Variants in ADARB1 observed in about 807,000 individuals in gnomAD.
ADARB1 encodes double-stranded RNA-specific editase 1.
ADARB1 carries 10 observed loss-of-function variants against 52.4 expected under a neutral mutation model. The ratio of observed to expected loss-of-function variants is 0.19; its 90% CI spans 0.12 to 0.32. The LOEUF (loss-of-function observed/expected upper bound fraction) is 0.32. Among genes scored for constraint, ADARB1 ranks in the 10% least tolerant of loss-of-function variants. The pLI is 1.00. For synonymous variants in ADARB1, 349 were observed against 371.1 expected, an observed-to-expected ratio of 0.94 and a Z score of 0.68; for missense variants, 643 against 922.3, an observed-to-expected ratio of 0.70 and a Z score of 3.92.
chr21:45,152,517 G>A (rs917412517), intron 2 of ADARB1: 10 of 249,758 alleles, frequency 4.0e-5, no homozygotes, highest in South Asian at 1.3e-4. Context: ...CGCAGCTGCC[G>A]GCACACGGAA....
At chr21:45,139,866 T>C (rs1380540022) in intron 2 of ADARB1, among the ~76,000 whole-genome samples, 1 of 152,172 alleles carries the variant, frequency 6.6e-6, no homozygotes, top group African/African-American at 2.4e-5. Flanking sequence ...GAATTTGTTT[T>C]CTTCTGGGAT....
At position 45,222,890 on chromosome 21, in the gene ADARB1, G is replaced by A; in HGVS notation, c.*693G>A. 1.0e-6 allele frequency: 1 copy of A among 985,522 alleles called. No individual in the cohort carries two copies. The highest frequency in any genetic ancestry group is 1.2e-6 in the Non-Finnish European group (1 of 829,994). 61.0% of individuals were successfully genotyped at this position (985,522 alleles called of 1,614,324 possible). A position where few individuals can be genotyped will look rare whatever the true frequency, so the allele number is the denominator to read the frequency against. On this transcript the variant is annotated 3_prime_UTR_variant, in exon 11 of 11. Transcript: ENST00000348831. ...CAGCAGTGACTGTGTGTCCTGCAGAGGCGTGACCCAGGCCCCTGTAGCCCT... is the reference window on the plus strand; with the variant it reads ...CAGCAGTGACTGTGTGTCCTGCAGAAGCGTGACCCAGGCCCCTGTAGCCCT...
chr21:45,181,967 C>T (rs530603122), intron 5 of ADARB1, among the ~76,000 whole-genome samples: 2 of 152,342 alleles, frequency 1.3e-5, no homozygotes, highest in East Asian at 1.9e-4. Context: ...GCGAGTTTCC[C>T]GGCAGGTGAC....
rs554856208 is a variant in ADARB1 at position 45,205,117 on chromosome 21, C to T, written c.1747+381C>T. Among the ~76,000 whole-genome samples the T allele has an allele frequency of 2.0e-5, 3 of 152,078 alleles. No homozygotes were observed. The East Asian group carries it at 5.8e-4, about 29-fold the overall frequency. ...CTACAAAAAATACAAAAAAATCAGC[C>T]AGATGAGGTGGGGCATGCCTGTGGT... On this transcript the variant is annotated intron_variant, in intron 9 of 10. Transcript: ENST00000348831.
intron 2 of ADARB1, among the ~76,000 whole-genome samples, chr21:45,167,142 G>A (rs962664726): frequency 2.6e-5 from 4 of 152,152 alleles, no homozygotes. Flanking sequence ...TTCTTAATGT[G>A]GGCGGTACCT....
rs1038935312 is a variant in ADARB1, at chr21:45,223,772, G to A, written c.*1575G>A. The stretch of plus-strand genomic sequence containing the variant: ...CCCAAAACTGAAACACCGTGGCTTC[G>A]GCGGGGGGTGTGCCTCCTGATGTCA... On this transcript the variant is annotated 3_prime_UTR_variant, in exon 11 of 11. Coordinates refer to ENST00000348831, the MANE Select transcript of ADARB1 (RefSeq NM_001112.4). 7.1e-6 allele frequency: 7 copies of A among 985,352 alleles called. No individual in the cohort carries two copies. The highest frequency in any genetic ancestry group is 7.2e-6 in the Non-Finnish European group (6 of 829,974). The allele number at this position is 985,352 out of a possible 1,614,324, so 61.0% of individuals were successfully genotyped here. A position where few individuals can be genotyped will look rare whatever the true frequency, so the allele number is the denominator to read the frequency against.
chr21:45,197,234 G>A (rs754552822), intron 8 of ADARB1, among the ~76,000 whole-genome samples: 7 of 152,048 alleles, frequency 4.6e-5, no homozygotes, highest in Non-Finnish European at 1.0e-4. Flanking sequence ...AGGCGTGGTG[G>A]CTCACGCCTG....
chr21:45,154,706 A>G (rs377000765), intron 2 of ADARB1, among the ~76,000 whole-genome samples: 1 of 152,144 alleles, frequency 6.6e-6, no homozygotes, highest in East Asian at 1.9e-4. Context: ...TGAGCCTCAG[A>G]TGGGTTAGCT....
chr21:45,185,117 C>G (rs745388063), intron 8 of ADARB1, 26 bp downstream of exon 8: 1 of 1,607,762 alleles, frequency 6.2e-7, no homozygotes, highest in South Asian at 1.1e-5. Flanking sequence ...TCCCTGTGGC[C>G]ACCTCCCTGC....
chr21:45,168,408 G>A (rs902166197), intron 2 of ADARB1, among the ~76,000 whole-genome samples: 2 of 152,146 alleles, frequency 1.3e-5, no homozygotes, highest in African/African-American at 4.8e-5. Context: ...TAGATCCTGA[G>A]GATTTTCTCC....
chr21:45,075,568 G>A (rs1329460368), intron 1 of ADARB1, among the ~76,000 whole-genome samples: 1 of 152,254 alleles, frequency 6.6e-6, no homozygotes, highest in African/African-American at 2.4e-5. Context: ...GGAGCAATCT[G>A]GGGCAGTTGG....
intron 8 of ADARB1, among the ~76,000 whole-genome samples, chr21:45,198,635 A>G (rs2092481547): frequency 6.6e-6 from 1 of 152,164 alleles, no homozygotes; most frequent in Non-Finnish European, 1.5e-5. Context: ...CGTTTGTGGG[A>G]TGATGATCCC....
At chr21:45,144,496 A>T (rs2089909573) in intron 2 of ADARB1, 1 of 262,182 alleles carries the variant, frequency 3.8e-6, no homozygotes, top group African/African-American at 2.2e-5. Flanking sequence ...GTATCTTATT[A>T]AAATTGTAAA....
At position 45,219,341 on chromosome 21, in the gene ADARB1, T is replaced by C. The variant is rs554593842; in HGVS notation, c.1748-1495T>C. On this transcript the variant is annotated intron_variant, in intron 9 of 10. Transcript: ENST00000348831. ...GAGATTGAGACCATCCTGGCCAACA[T>C]GGTGAAACCCCATCTCTACTAAAAA... Among the ~76,000 whole-genome samples the C allele has an allele frequency of 1.3e-5, 2 of 152,182 alleles. 1 individual carries two copies. The highest frequency in any genetic ancestry group is 1.3e-4 in the Admixed American group (2 of 15,290).
chr21:45,171,692 C>G lies in ADARB1; in HGVS notation c.28+8C>G. ...AAGATGAAGAAAACATGAGTAAGAT[C>G]TAGGCCTATCACGTAGTATCAGATA... is the stretch of plus-strand genomic sequence containing the variant. On this transcript the variant is annotated splice_region_variant and intron_variant, in intron 3 of 10. Transcript: ENST00000348831. 4 of 1,607,164 alleles carry G rather than the reference C, an allele frequency of 2.5e-6. No individual in the cohort carries two copies. Among genetic ancestry groups the G allele is most frequent in the Non-Finnish European group, 3.4e-6 (4 of 1,177,700 alleles).
chr21:45,223,051 A>T lies in ADARB1; in HGVS notation c.*854A>T. ...GCCATTCATTCAGGTTTTTTAAAGGATATTTAACTTTTATGGACTAGAAGG... is the reference window on the plus strand; with the variant it reads ...GCCATTCATTCAGGTTTTTTAAAGGTTATTTAACTTTTATGGACTAGAAGG... On this transcript the variant is annotated 3_prime_UTR_variant, in exon 11 of 11. Coordinates refer to ENST00000348831, the MANE Select transcript of ADARB1 (RefSeq NM_001112.4). 9 of 985,420 alleles carry T rather than the reference A, an allele frequency of 9.1e-6. No individual in the cohort carries two copies. Among genetic ancestry groups the T allele is most frequent in the Non-Finnish European group, 1.1e-5 (9 of 829,932 alleles). 61.0% of individuals were successfully genotyped at this position (985,420 alleles called of 1,614,324 possible).
intron 1 of ADARB1, among the ~76,000 whole-genome samples, chr21:45,083,125 AG>A (rs1183593982): frequency 6.6e-6 from 1 of 152,246 alleles, no homozygotes; most frequent in East Asian, 1.9e-4. Context: ...TCAGGAAGGC[AG>A]GGCTATTGCT....
chr21:45,121,671 C>T (rs1280860720), intron 1 of ADARB1, among the ~76,000 whole-genome samples: 1 of 152,178 alleles, frequency 6.6e-6, no homozygotes, highest in Non-Finnish European at 1.5e-5. Flanking sequence ...TTCTCTTTAA[C>T]TGTGTCTAAT....
chr21:45,133,845 C>T (rs1435900497), intron 2 of ADARB1, among the ~76,000 whole-genome samples: 3 of 125,048 alleles, frequency 2.4e-5, no homozygotes, highest in Non-Finnish European at 5.0e-5. Context: ...TGTGTGCGCC[C>T]GCCGGGTGTG....
Sources: allele counts gnomAD v4.1 joint callset (sites outside exome capture counted in the v4.1 genomes callset), GRCh38; gene constraint gnomAD v4.1.1; transcripts MANE v1.5; gene names NCBI Gene and HGNC (gene_info 2026-07-23, HGNC 2026-07-21).